The following EIF4E variants were observed in gnomAD, a reference collection of about 807,000 sequenced individuals.
EIF4E encodes the protein eukaryotic translation initiation factor 4E.
For missense variants in EIF4E, 113 were observed against 265.6 expected, an observed-to-expected ratio of 0.43 and a Z score of 3.99; for synonymous variants, 71 against 88.5, an observed-to-expected ratio of 0.80 and a Z score of 1.11.
chr4:98,929,057 G>A (rs779727330), intron 1 of EIF4E, 38 bp downstream of exon 1: 4 of 1,575,630 alleles, frequency 2.5e-6, no homozygotes, highest in Admixed American at 3.6e-5. Context: ...GACGGAGCGC[G>A]GGGACCCGTG....
At chr4:98,916,436 G>A (rs1324683354) in intron 1 of EIF4E, among the ~76,000 whole-genome samples, 1 of 152,032 alleles carries the variant, frequency 6.6e-6, no homozygotes, top group African/African-American at 2.4e-5. Flanking sequence ...CTGAGTAACT[G>A]TTTCAAAGAG....
chr4:98,887,862 A>T lies in EIF4E; in HGVS notation c.285+27T>A, dbSNP rs1390252106. The T allele has an allele frequency of 1.9e-6, 3 of 1,599,140 alleles. No homozygotes were observed. The East Asian group carries it at 6.7e-5, about 36-fold the overall frequency. On this transcript the variant is annotated intron_variant, in intron 4 of 6. Transcript: ENST00000450253. The surrounding 1 kb of genome is among the most constrained non-coding windows in gnomAD (Gnocchi z 4.0). ...ACCAAATGGCCCAGTCCTATAATAA[A>T]TATATAAAATCACCAATTAAGCATA...
intron 1 of EIF4E, among the ~76,000 whole-genome samples, chr4:98,913,438 A>G (rs1053538842): frequency 6.6e-6 from 1 of 152,076 alleles, no homozygotes; most frequent in East Asian, 1.9e-4. Flanking sequence ...TCAAGAGACG[A>G]TACTGAATAG....
At chr4:98,924,591 CT>C (rs1725790933) in intron 1 of EIF4E, among the ~76,000 whole-genome samples, 1 of 143,084 alleles carries the variant, frequency 7.0e-6, no homozygotes, top group Non-Finnish European at 1.6e-5. Flanking sequence ...AAATTTGTTT[CT>C]GTTTTTTTTT....
chr4:98,922,638 G>C (rs1725697978), intron 1 of EIF4E, among the ~76,000 whole-genome samples: 1 of 151,686 alleles, frequency 6.6e-6, no homozygotes, highest in African/African-American at 2.4e-5. Flanking sequence ...GCTATGTGTA[G>C]CAATTACAAA....
At chr4:98,917,677 A>C (rs558875593) in intron 1 of EIF4E, among the ~76,000 whole-genome samples, 24 of 152,178 alleles carry the variant, frequency 1.6e-4, no homozygotes, top group Non-Finnish European at 2.9e-4. Flanking sequence ...AGAAAAGAAG[A>C]TGGAGGAGGG....
intron 1 of EIF4E, chr4:98,909,510 G>A: frequency 3.4e-6 from 2 of 589,850 alleles, no homozygotes. Flanking sequence ...ATGATTTAAT[G>A]CAAAAAACAC....
At chr4:98,921,104 A>G (rs1436057656) in intron 1 of EIF4E, among the ~76,000 whole-genome samples, 1 of 152,234 alleles carries the variant, frequency 6.6e-6, no homozygotes, top group East Asian at 1.9e-4. Flanking sequence ...TTTGTATGTA[A>G]CACTTAAGGA....
intron 1 of EIF4E, among the ~76,000 whole-genome samples, chr4:98,922,850 C>CTTTTTTTT (rs112293850): frequency 7.3e-6 from 1 of 136,702 alleles, no homozygotes; most frequent in Non-Finnish European, 1.6e-5. Flanking sequence ...TTTCTTTTTT[C>CTTTTTTTT]TTTTTTTTTT....
intron 1 of EIF4E, among the ~76,000 whole-genome samples, chr4:98,915,576 T>TC (rs1342398525): frequency 6.6e-6 from 1 of 150,424 alleles, no homozygotes; most frequent in African/African-American, 2.5e-5. Context: ...AGTCTTGCTC[T>TC]GTCACCCAGG....
intron 1 of EIF4E, among the ~76,000 whole-genome samples, chr4:98,921,156 T>G (rs1725629136): frequency 6.6e-6 from 1 of 152,188 alleles, no homozygotes; most frequent in South Asian, 2.1e-4. Context: ...ACTTGAAATA[T>G]GAATTCCTCA....
chr4:98,912,657 C>A (rs1304870272), intron 1 of EIF4E, among the ~76,000 whole-genome samples: 1 of 152,016 alleles, frequency 6.6e-6, no homozygotes, highest in Non-Finnish European at 1.5e-5. Context: ...TATATCAACA[C>A]TAAAATGGCA....
intron 1 of EIF4E, among the ~76,000 whole-genome samples, chr4:98,922,850 C>CTTTTTTTTTTTTTT (rs112293850): frequency 7.3e-6 from 1 of 136,704 alleles, no homozygotes; most frequent in Non-Finnish European, 1.6e-5. Flanking sequence ...TTTCTTTTTT[C>CTTTTTTTTTTTTTT]TTTTTTTTTT....
intron 1 of EIF4E, among the ~76,000 whole-genome samples, chr4:98,927,476 T>C (rs1324569656): frequency 1.6e-5 from 2 of 128,036 alleles, no homozygotes; most frequent in Non-Finnish European, 3.1e-5. Context: ...GCCAACATGG[T>C]GGAACCCCGT....
At chr4:98,907,474 C>T (rs1024596333) in intron 1 of EIF4E, among the ~76,000 whole-genome samples, 2 of 152,180 alleles carry the variant, frequency 1.3e-5, no homozygotes, top group African/African-American at 4.8e-5. Flanking sequence ...GAAAGACATT[C>T]TATATCAGGC....
intron 1 of EIF4E, among the ~76,000 whole-genome samples, chr4:98,921,990 C>T (rs975891661): frequency 2.3e-4 from 35 of 152,228 alleles, no homozygotes; most frequent in African/African-American, 7.2e-4. Context: ...TTTTTGTTAT[C>T]TAACATTGTA....
chr4:98,899,056 A>T (rs1724537563), intron 2 of EIF4E, among the ~76,000 whole-genome samples: 1 of 141,536 alleles, frequency 7.1e-6, no homozygotes. Flanking sequence ...AAGACCTCTA[A>T]AAAAAAAAAA....
chr4:98,893,148 A>T (rs1336564487), intron 2 of EIF4E, among the ~76,000 whole-genome samples: 1 of 100,560 alleles, frequency 9.9e-6, no homozygotes, highest in Non-Finnish European at 2.9e-5. Context: ...CATTACATCT[A>T]AAAAAAAATG....
intron 1 of EIF4E, among the ~76,000 whole-genome samples, chr4:98,916,609 A>C (rs1725393498): frequency 6.6e-6 from 1 of 152,142 alleles, no homozygotes; most frequent in Non-Finnish European, 1.5e-5. Flanking sequence ...AATTATAGGG[A>C]GTGAGGGTGA....
Sources: gnomAD v4.1 joint callset for allele counts (sites outside exome capture counted in the v4.1 genomes callset) on GRCh38, gnomAD v4.1.1 for gene constraint, Gnocchi (gnomAD v3.1) non-coding constraint, MANE v1.5 for transcripts, NCBI Gene and HGNC (gene_info 2026-07-23, HGNC 2026-07-21) for gene names.